ARHGAP42: variants seen among roughly 807,000 people sequenced by gnomAD.
ARHGAP42 encodes the protein rho GTPase-activating protein 42.
A neutral mutation model predicts 125.0 loss-of-function variants in ARHGAP42; 63 were observed. The observed-to-expected ratio is 0.50, with a 90% CI of 0.41 to 0.62. The LOEUF (loss-of-function observed/expected upper bound fraction) is 0.62. Ranked by LOEUF, ARHGAP42 falls within the 20% of genes least tolerant of loss-of-function variation. ARHGAP42 has a pLI of 0.00. For missense variants in ARHGAP42, 766 were observed against 1,024.2 expected (o/e 0.75, Z 3.44); for synonymous variants, 339 against 351.0 (o/e 0.97, Z 0.38).
At chr11:100,962,582 A>T in intron 16 of ARHGAP42, 115 bp downstream of exon 16, 1 of 1,011,434 alleles carries the variant, frequency 9.9e-7, no homozygotes, top group East Asian at 2.8e-5. Context: ...TTGCTTAAAA[A>T]GTTGTTAATC....
In ARHGAP42 at chr11:100,960,936, A is replaced by G; in HGVS notation, c.1247A>G (p.Tyr416Cys). The change falls in exon 14 of 24, where the codon TAC (tyrosine) becomes TGC (cysteine). Residue 416 changes from tyrosine to cysteine, a missense_variant. Physicochemically the swap from Tyr to Cys is radical, Grantham distance 194 (BLOSUM62 -2). This residue lies in a region of ARHGAP42 where 455 missense variants were observed against 636.5 expected (regional missense o/e 0.71). Coordinates refer to ENST00000298815, the MANE Select transcript of ARHGAP42 (RefSeq NM_152432.4). The part of the protein sequence containing the change: ...ETRGITILGL[Y>C]RIGGVNSKVQ... ...TTAGGTATCACCATTTTAGGACTCTACCGAATAGGAGGAGTGAACTCCAAA... is the reference window on the plus strand; with the variant it reads ...TTAGGTATCACCATTTTAGGACTCTGCCGAATAGGAGGAGTGAACTCCAAA... 6.5e-7 allele frequency: 1 copy of G among 1,537,126 alleles called. No individual in the cohort carries two copies. The highest frequency in any genetic ancestry group is 1.7e-4 in the Middle Eastern group (1 of 5,910).
intron 22 of ARHGAP42, among the ~76,000 whole-genome samples, chr11:100,980,078 G>T (rs1040813851): frequency 1.3e-5 from 2 of 152,080 alleles, no homozygotes; most frequent in Non-Finnish European, 2.9e-5. Flanking sequence ...GCCCAGTAAG[G>T]GCCCTCATGT....
chr11:100,821,492 G>A (rs906443883), intron 3 of ARHGAP42, among the ~76,000 whole-genome samples: 7 of 151,588 alleles, frequency 4.6e-5, no homozygotes, highest in African/African-American at 1.2e-4. Flanking sequence ...TCAAAATGAC[G>A]AAAGAATCAT....
At chr11:100,774,150 T>C (rs1360864754) in intron 2 of ARHGAP42, among the ~76,000 whole-genome samples, 2 of 152,016 alleles carry the variant, frequency 1.3e-5, no homozygotes, top group Non-Finnish European at 2.9e-5. Context: ...AATAAAGAAG[T>C]AGTAGGAGGA....
intron 1 of ARHGAP42, among the ~76,000 whole-genome samples, chr11:100,712,041 G>A (rs1435741388): frequency 6.6e-6 from 1 of 152,096 alleles, no homozygotes; most frequent in Non-Finnish European, 1.5e-5. Context: ...CACTGATTTC[G>A]TGATCTCAAT....
Position 100,992,281 on chromosome 11 carries a change from G to A in ARHGAP42, c.*3480G>A, listed in dbSNP as rs1046410732. The A allele has an allele frequency of 4.5e-6, 7 of 1,550,362 alleles. No homozygotes were observed. ...AACAGATTTTGTTCTTTGCTTTTAT[G>A]ATACATTTGTAACTCACAGCTGTTA... On this transcript the variant is annotated 3_prime_UTR_variant, in exon 24 of 24. Coordinates refer to ENST00000298815, the MANE Select transcript of ARHGAP42 (RefSeq NM_152432.4).
At chr11:100,810,486 C>T (rs1411847843) in intron 3 of ARHGAP42, among the ~76,000 whole-genome samples, 1 of 152,138 alleles carries the variant, frequency 6.6e-6, no homozygotes, top group African/African-American at 2.4e-5. Flanking sequence ...TTCTGCCAAA[C>T]CTTTGTATCT....
intron 4 of ARHGAP42, among the ~76,000 whole-genome samples, chr11:100,863,059 AACACACAC>A (rs3063447): frequency 1.2e-4 from 16 of 137,450 alleles, no homozygotes; most frequent in South Asian, 6.8e-4. Flanking sequence ...AAAAACACAA[AACACACAC>A]ACACACACAC....
intron 1 of ARHGAP42, among the ~76,000 whole-genome samples, chr11:100,735,064 A>C (rs919423705): frequency 6.6e-6 from 1 of 152,176 alleles, no homozygotes. Flanking sequence ...GCCTGGGTCT[A>C]CTCAGCTTAG....
At chr11:100,825,268 A>G (rs1591212513) in intron 3 of ARHGAP42, among the ~76,000 whole-genome samples, 1 of 152,282 alleles carries the variant, frequency 6.6e-6, no homozygotes, top group Middle Eastern at 3.4e-3. Flanking sequence ...TTTATTTCTC[A>G]TACTATGCCT....
intron 1 of ARHGAP42, among the ~76,000 whole-genome samples, chr11:100,741,590 T>C (rs373466685): frequency 6.6e-6 from 1 of 152,302 alleles, no homozygotes; most frequent in African/African-American, 2.4e-5. Context: ...GTATAGTTAC[T>C]GTAGTTACTA....
intron 3 of ARHGAP42, among the ~76,000 whole-genome samples, chr11:100,805,375 A>C (rs897049891): frequency 6.6e-6 from 1 of 152,236 alleles, no homozygotes; most frequent in Non-Finnish European, 1.5e-5. Context: ...TATTACTTCA[A>C]TATCTTACAA....
chr11:100,877,014 G>C (rs1565254774), intron 4 of ARHGAP42, among the ~76,000 whole-genome samples: 1 of 152,190 alleles, frequency 6.6e-6, no homozygotes, highest in Non-Finnish European at 1.5e-5. Flanking sequence ...TGAGCTCACT[G>C]TAGAAAGATT....
At chr11:100,859,005 T>A (rs1479980085) in intron 3 of ARHGAP42, among the ~76,000 whole-genome samples, 1 of 152,112 alleles carries the variant, frequency 6.6e-6, no homozygotes. Flanking sequence ...AAAATATGTT[T>A]TTATTGAAAT....
At chr11:100,878,351 T>C (rs903042490) in intron 4 of ARHGAP42, among the ~76,000 whole-genome samples, 1 of 152,014 alleles carries the variant, frequency 6.6e-6, no homozygotes, top group African/African-American at 2.4e-5. Context: ...CTGTTTCCTT[T>C]TGGGTTATAT....
intron 1 of ARHGAP42, among the ~76,000 whole-genome samples, chr11:100,751,086 C>T (rs1325310092): frequency 6.6e-6 from 1 of 151,390 alleles, no homozygotes; most frequent in African/African-American, 2.4e-5. Flanking sequence ...TTACAGGGGC[C>T]TGCCACCACG....
At chr11:100,755,163 G>A (rs1862543089) in intron 1 of ARHGAP42, among the ~76,000 whole-genome samples, 1 of 152,228 alleles carries the variant, frequency 6.6e-6, no homozygotes, top group African/African-American at 2.4e-5. Context: ...ATGCTAGGGT[G>A]TAAGAGTGTG....
intron 4 of ARHGAP42, among the ~76,000 whole-genome samples, chr11:100,909,940 A>T (rs1272175395): frequency 6.6e-6 from 1 of 152,198 alleles, no homozygotes; most frequent in Non-Finnish European, 1.5e-5. Flanking sequence ...TTTAAGAGCA[A>T]AGTTGACGCT....
chr11:100,705,240 C>T (rs570252405), intron 1 of ARHGAP42, among the ~76,000 whole-genome samples: 4 of 152,166 alleles, frequency 2.6e-5, no homozygotes, highest in Non-Finnish European at 5.9e-5. Context: ...AGTGTTATCA[C>T]TCACACATGT....
Sources: allele counts gnomAD v4.1 joint callset (sites outside exome capture counted in the v4.1 genomes callset), GRCh38; gene constraint gnomAD v4.1.1; regional missense constraint gnomAD v4.1.1; transcripts MANE v1.5; gene names NCBI Gene and HGNC (gene_info 2026-07-23, HGNC 2026-07-21).